Variants in FAM168B observed in about 807,000 individuals in gnomAD.
The protein encoded by FAM168B is myelin-associated neurite-outgrowth inhibitor.
A neutral mutation model predicts 21.8 loss-of-function variants in FAM168B; 19 were observed. The ratio of observed to expected loss-of-function variants is 0.87; its 90% CI spans 0.61 to 1.28. The LOEUF (loss-of-function observed/expected upper bound fraction) is 1.28. Among genes scored for constraint, FAM168B ranks in the 50% most tolerant of loss-of-function variants. The probability of loss-of-function intolerance (pLI) is 0.00; values close to 1 mark genes in which losing one functional copy is unlikely to be tolerated. For synonymous variants in FAM168B, 126 were observed against 104.8 expected (o/e 1.20, Z -1.24); for missense variants, 233 against 263.1 (o/e 0.89, Z 0.79).
At chr2:131,061,781 CG>C (rs1479052098) in intron 3 of FAM168B, among the ~76,000 whole-genome samples, 3 of 130,358 alleles carry the variant, frequency 2.3e-5, no homozygotes, top group African/African-American at 3.2e-5. Context: ...GACCCTGTCT[CG>C]AAAAAAAAAA....
chr2:131,073,751 TA>T (rs1480422200), intron 2 of FAM168B, among the ~76,000 whole-genome samples: 1 of 152,194 alleles, frequency 6.6e-6, no homozygotes, highest in African/African-American at 2.4e-5. Context: ...GAAAACAAAT[TA>T]AGACACCAGT....
At chr2:131,062,257 C>T (rs1001742572) in intron 3 of FAM168B, among the ~76,000 whole-genome samples, 1 of 152,188 alleles carries the variant, frequency 6.6e-6, no homozygotes, top group East Asian at 1.9e-4. Flanking sequence ...GGGAGTCTCT[C>T]AGCCACAAGT....
At chr2:131,063,352 G>GTCATA (rs1692399803) in intron 3 of FAM168B, among the ~76,000 whole-genome samples, 2 of 152,158 alleles carry the variant, frequency 1.3e-5, no homozygotes, top group South Asian at 4.1e-4. Context: ...TCTTATGACT[G>GTCATA]TGAGGCTACG....
chr2:131,089,338 T>C (rs954026124), intron 1 of FAM168B, among the ~76,000 whole-genome samples: 1 of 152,090 alleles, frequency 6.6e-6, no homozygotes. Flanking sequence ...GTTTGACACC[T>C]GCATTAGAAT....
At chr2:131,073,146 G>A (rs1692958259) in intron 2 of FAM168B, among the ~76,000 whole-genome samples, 2 of 152,008 alleles carry the variant, frequency 1.3e-5, no homozygotes, top group South Asian at 4.2e-4. Context: ...ACGCTGGAGT[G>A]CAGTGGTGAG....
rs189988659 is a variant in FAM168B, at chr2:131,082,657, A to G, written c.-11T>C. The G allele has an allele frequency of 1.2e-4, 183 of 1,588,238 alleles. No individual in the cohort carries two copies. The African/African-American group carries it at 2.3e-3, about 20-fold the overall frequency. ...ATAAACAGGATTCATGATTTCAAAA[A>G]CTAAAAGAAAAAAAAGGGAATTTAG... On this transcript the variant is annotated splice_region_variant and 5_prime_UTR_variant, in exon 2 of 7. Transcript: ENST00000389915.
At position 131,071,909 on chromosome 2, in the gene FAM168B, C is replaced by A. The variant is rs1692890336; in HGVS notation, c.100G>T (p.Ala34Ser). The change falls in exon 3 of 7, where the codon GCT becomes TCT. Residue 34 changes from alanine to serine, a missense_variant. Transcript: ENST00000389915. ...TACATGTTAGGAGAATAGGCAGGAG[C>A]TGCTGCTGCATAGCCCATGGGAAAA... ...AGFPMGYAAAAPAYSPNMYPG... is the reference protein window; with the variant it reads ...AGFPMGYAAASPAYSPNMYPG... 6.2e-7 allele frequency: 1 copy of A among 1,613,940 alleles called. No individual in the cohort carries two copies. The highest frequency in any genetic ancestry group is 8.5e-7 in the Non-Finnish European group (1 of 1,179,972).
At position 131,050,719 on chromosome 2, in the gene FAM168B, G is replaced by A. The variant is rs1034731953; in HGVS notation, c.*1746C>T. 7 of 985,414 alleles carry A rather than the reference G, an allele frequency of 7.1e-6. No individual in the cohort carries two copies. The African/African-American group carries it at 1.0e-4, about 15-fold the overall frequency. 61.0% of individuals were successfully genotyped at this position (985,414 alleles called of 1,614,324 possible). On this transcript the variant is annotated 3_prime_UTR_variant, in exon 7 of 7. Coordinates refer to ENST00000389915, the MANE Select transcript of FAM168B (RefSeq NM_001009993.4). ...GTTACCAAAGGCTCAGTGGTCAGGTGTCCCCCCACCAACCAACTGGGGCAG... is the reference window on the plus strand; with the variant it reads ...GTTACCAAAGGCTCAGTGGTCAGGTATCCCCCCACCAACCAACTGGGGCAG...
intron 3 of FAM168B, among the ~76,000 whole-genome samples, chr2:131,061,973 C>T (rs941901403): frequency 1.3e-5 from 2 of 151,938 alleles, no homozygotes; most frequent in African/African-American, 4.8e-5. Flanking sequence ...CAATGTGCAA[C>T]AAGAAGTTAC....
intron 2 of FAM168B, among the ~76,000 whole-genome samples, chr2:131,078,867 T>C (rs989502774): frequency 4.0e-5 from 6 of 151,778 alleles, no homozygotes; most frequent in Non-Finnish European, 7.4e-5. Context: ...ACACCTGTAG[T>C]CCCAGCTACT....
chr2:131,083,103 C>G (rs1045355449), intron 1 of FAM168B, among the ~76,000 whole-genome samples: 3 of 152,144 alleles, frequency 2.0e-5, no homozygotes, highest in Non-Finnish European at 4.4e-5. Flanking sequence ...TGCCTGTAAT[C>G]TTAGCACTTC....
At chr2:131,087,932 T>C (rs908116102) in intron 1 of FAM168B, among the ~76,000 whole-genome samples, 4 of 152,192 alleles carry the variant, frequency 2.6e-5, no homozygotes, top group South Asian at 2.1e-4. Flanking sequence ...ACCTGACTTA[T>C]AGCCTAGACC....
intron 2 of FAM168B, among the ~76,000 whole-genome samples, chr2:131,073,233 C>T (rs1024443806): frequency 6.6e-6 from 1 of 151,996 alleles, no homozygotes; most frequent in Non-Finnish European, 1.5e-5. Context: ...GCTGGGACTA[C>T]AGGCGTGCAC....
At chr2:131,066,922 T>C (rs1291215950) in intron 3 of FAM168B, among the ~76,000 whole-genome samples, 2 of 152,198 alleles carry the variant, frequency 1.3e-5, no homozygotes, top group African/African-American at 2.4e-5. Flanking sequence ...AGAGGTTTAA[T>C]GGACTCACAG....
At chr2:131,088,410 G>A (rs1461288540) in intron 1 of FAM168B, among the ~76,000 whole-genome samples, 4 of 151,968 alleles carry the variant, frequency 2.6e-5, no homozygotes, top group African/African-American at 9.7e-5. Flanking sequence ...TAAGGCAATG[G>A]TGGGGGGAAA....
chr2:131,088,757 T>G (rs950882547), intron 1 of FAM168B, among the ~76,000 whole-genome samples: 3 of 152,226 alleles, frequency 2.0e-5, no homozygotes, highest in Non-Finnish European at 1.5e-5. Context: ...ATGCTAATAA[T>G]CTTTACATCA....
intron 2 of FAM168B, among the ~76,000 whole-genome samples, chr2:131,073,077 G>T (rs1208814122): frequency 6.6e-6 from 1 of 151,952 alleles, no homozygotes; most frequent in African/African-American, 2.4e-5. Flanking sequence ...TTCATTTCAG[G>T]TTTTTTCACA....
rs1691782214 is a variant in FAM168B at position 131,053,004 on chromosome 2, T to A, written c.487A>T (p.Thr163Ser). ...GCGACAGGAGTTGGGGAGTGAGCAGTCAGCAGGGTACCTGGAAGAAAGAGC... is the reference window on the plus strand; with the variant it reads ...GCGACAGGAGTTGGGGAGTGAGCAGACAGCAGGGTACCTGGAAGAAAGAGC... ...TMAMSAGTLLTAHSPTPVAPH... is the reference protein window; with the variant it reads ...TMAMSAGTLLSAHSPTPVAPH... Residue 163 changes from threonine (T) to serine (S), a missense_variant, in exon 6 of 7, where the codon ACT (threonine) becomes TCT (serine). Physicochemically the swap from Thr to Ser is moderately conservative, Grantham distance 58 (BLOSUM62 1). Transcript: ENST00000389915. The A allele has an allele frequency of 6.4e-7, 1 of 1,551,196 alleles. No homozygotes were observed. The highest frequency in any genetic ancestry group is 8.7e-7 in the Non-Finnish European group (1 of 1,147,126).
intron 1 of FAM168B, among the ~76,000 whole-genome samples, chr2:131,092,016 C>T (rs571403560): frequency 3.3e-4 from 49 of 149,918 alleles, no homozygotes; most frequent in African/African-American, 1.1e-3. Flanking sequence ...TGGTGGCGGG[C>T]GCCTGCAGTC....
Sources: allele counts gnomAD v4.1 joint callset (sites outside exome capture counted in the v4.1 genomes callset), GRCh38; gene constraint gnomAD v4.1.1; transcripts MANE v1.5; gene names NCBI Gene and HGNC (gene_info 2026-07-23, HGNC 2026-07-21).